Variants in CSE1L observed in about 807,000 individuals in gnomAD.
CSE1L encodes exportin-2.
A neutral mutation model predicts 120.4 loss-of-function variants in CSE1L; 24 were observed. The observed-to-expected ratio is 0.20, with a 90% CI of 0.14 to 0.28. The LOEUF is 0.28. CSE1L is among the 10% of genes least tolerant of loss of function. CSE1L has a pLI of 1.00. For synonymous variants in CSE1L, 402 were observed against 398.3 expected (o/e 1.01, Z -0.11); for missense variants, 830 against 1,145.2 (o/e 0.72, Z 3.97).
intron 2 of CSE1L, among the ~76,000 whole-genome samples, chr20:49,059,172 G>A (rs960999276): frequency 1.3e-5 from 2 of 151,842 alleles, no homozygotes; most frequent in African/African-American, 4.8e-5. Flanking sequence ...AATAATTAGG[G>A]CATAGAAAGG....
Position 49,072,639 on chromosome 20 carries a change from C to A in CSE1L, c.1008C>A (p.Asp336Glu). ...CTCATTATAAGAATCTATTTGAGGA[C>A]CAGAACACGCTGACAAGTATCTGTG... ...ERPHYKNLFEDQNTLTSICEK... is the reference protein window; with the variant it reads ...ERPHYKNLFEEQNTLTSICEK... Residue 336 changes from aspartate to glutamate, a missense_variant, in exon 10 of 25, where the codon GAC (aspartate) becomes GAA (glutamate). Physicochemically the swap from Asp to Glu is conservative, Grantham distance 45. Coordinates refer to ENST00000262982, the MANE Select transcript of CSE1L (RefSeq NM_001316.4). 1.2e-6 allele frequency: 2 copies of A among 1,613,742 alleles called. No homozygotes were observed. The highest frequency in any genetic ancestry group is 4.5e-5 in the East Asian group (2 of 44,860).
chr20:49,075,327 C>G lies in CSE1L; in HGVS notation c.1142C>G (p.Thr381Ser). Residue 381 changes from threonine (T) to serine (S), a missense_variant, in exon 12 of 25, where the codon ACT becomes AGT. This residue lies in a region of CSE1L where 543 missense variants were observed against 640.2 expected (regional missense o/e 0.85). Transcript: ENST00000262982. ...TCTTTTCATTTCATAGATATTGATA[C>G]TAGACGCAGGGCTGCTTGTGATCTG... is the stretch of plus-strand genomic sequence containing the variant. ...RRDLEGSDID[T>S]RRRAACDLVR... 1.9e-6 allele frequency: 3 copies of G among 1,612,686 alleles called. No homozygotes were observed. Among genetic ancestry groups the G allele is most frequent in the Non-Finnish European group, 1.7e-6 (2 of 1,179,270 alleles).
rs776605063 is a variant in CSE1L at position 49,089,675 on chromosome 20, C to G, written c.2110C>G (p.Leu704Val). The change falls in exon 19 of 25, where the codon CTA (leucine) becomes GTA (valine). Residue 704 changes from leucine (L) to valine (V), a missense_variant. Physicochemically the swap from Leu to Val is conservative, Grantham distance 32. This residue lies in a region of CSE1L where 168 missense variants were observed against 267.9 expected (regional missense o/e 0.63). Transcript: ENST00000262982. The part of the protein sequence containing the change: ...LWERTGNIPA[L>V]VRLLQAFLER... ...GGAAAGAACAGGAAATATTCCTGCTCTAGTGAGGCTTCTTCAAGCATTCTT... is the reference window on the plus strand; with the variant it reads ...GGAAAGAACAGGAAATATTCCTGCTGTAGTGAGGCTTCTTCAAGCATTCTT... 73 of 1,614,092 alleles carry G rather than the reference C, an allele frequency of 4.5e-5. No homozygotes were observed. The South Asian group carries it at 7.7e-4, about 17-fold the overall frequency.
chr20:49,052,383 A>G (rs2091773509), intron 1 of CSE1L, among the ~76,000 whole-genome samples: 2 of 152,216 alleles, frequency 1.3e-5, no homozygotes, highest in Admixed American at 6.5e-5. Flanking sequence ...AACAAGGATG[A>G]TGTAGATGGT....
intron 2 of CSE1L, among the ~76,000 whole-genome samples, chr20:49,062,822 A>G (rs2091862405): frequency 6.6e-6 from 1 of 151,902 alleles, no homozygotes; most frequent in Non-Finnish European, 1.5e-5. Flanking sequence ...ACTAGCCTAT[A>G]AAAGAAATAT....
chr20:49,078,878 A>G (rs952509628), intron 14 of CSE1L, among the ~76,000 whole-genome samples: 1 of 152,186 alleles, frequency 6.6e-6, no homozygotes, highest in Admixed American at 6.5e-5. Context: ...TTAATTTACA[A>G]TAGAGAGGTC....
chr20:49,074,639 G>T, intron 10 of CSE1L, 146 bp from the exon 11 acceptor site: 2 of 526,688 alleles, frequency 3.8e-6, no homozygotes, highest in Non-Finnish European at 6.7e-6. Flanking sequence ...TCTAGATAAT[G>T]ATTAAGAGTA....
rs762503264 is a variant in CSE1L at position 49,072,438 on chromosome 20, G to A, written c.921G>A (p.Glu307=). Residue 307 remains glutamate (E), a synonymous_variant, in exon 9 of 25, where the codon GAG becomes GAA. Coordinates refer to ENST00000262982, the MANE Select transcript of CSE1L (RefSeq NM_001316.4). ...ATTTACTAGTTACAACGGGTCAAGAGGTTAAATATGATTTGGTAAGATGAT... is the reference window on the plus strand; with the variant it reads ...ATTTACTAGTTACAACGGGTCAAGAAGTTAAATATGATTTGGTAAGATGAT... The part of the protein sequence containing the change: ...IWNLLVTTGQ[E]VKYDLLVSNA... The A allele has an allele frequency of 3.7e-6, 6 of 1,614,046 alleles. No homozygotes were observed. In the South Asian group the frequency reaches 5.5e-5, roughly 15 times the overall value.
intron 8 of CSE1L, 27 bp downstream of exon 8, chr20:49,070,324 G>A: frequency 9.2e-7 from 1 of 1,083,502 alleles, no homozygotes; most frequent in South Asian, 1.4e-5. Flanking sequence ...TTGCCTGAGT[G>A]GTCTTTTTCT....
Position 49,082,783 on chromosome 20 carries a change from A to T in CSE1L, c.1483-1243A>T, listed in dbSNP as rs553707446. On this transcript the variant is annotated intron_variant, in intron 14 of 24. Transcript: ENST00000262982. ...TGATCCGCCCGCCTTGGCCTCCCAA[A>T]GTGCTGGGATTACAGGCATGAGCCA... Among the ~76,000 whole-genome samples, 451 of 152,202 alleles carry T rather than the reference A, an allele frequency of 3.0e-3. 5 individuals carry two copies. The highest frequency in any genetic ancestry group is 2.8e-3 in the Non-Finnish European group (189 of 67,994).
intron 1 of CSE1L, among the ~76,000 whole-genome samples, chr20:49,056,805 T>C (rs1047213371): frequency 1.3e-5 from 2 of 152,024 alleles, no homozygotes; most frequent in African/African-American, 4.8e-5. Context: ...GTATACATTG[T>C]ATAATGGCTA....
intron 2 of CSE1L, among the ~76,000 whole-genome samples, chr20:49,059,924 C>A (rs2091838851): frequency 6.6e-6 from 1 of 151,726 alleles, no homozygotes; most frequent in South Asian, 2.1e-4. Flanking sequence ...GGTGGTCACG[C>A]CTTTAATCCC....
chr20:49,061,875 A>C (rs2091856120), intron 2 of CSE1L, among the ~76,000 whole-genome samples: 1 of 152,120 alleles, frequency 6.6e-6, no homozygotes, highest in Non-Finnish European at 1.5e-5. Flanking sequence ...GTATAAAAAT[A>C]ATCTGGTATT....
chr20:49,047,570 T>C (rs866051834), intron 1 of CSE1L, among the ~76,000 whole-genome samples: 45 of 48,794 alleles, frequency 9.2e-4, no homozygotes, highest in Admixed American at 1.3e-3. Flanking sequence ...TTTTCTTTTT[T>C]TTTTTTTTTT....
rs1030307023 is a variant in CSE1L at position 49,090,742 on chromosome 20, C to T, written c.2182C>T (p.Pro728Ser). The T allele has an allele frequency of 6.2e-7, 1 of 1,612,710 alleles. No individual in the cohort carries two copies. The highest frequency in any genetic ancestry group is 1.1e-5 in the South Asian group (1 of 90,994). ...TCTGTTGGATCTCATTTCTTAACAG[C>T]CTGGGTTACTAGGTGTCTTTCAGAA... The part of the protein sequence containing the change: ...TIASAAADKI[P>S]GLLGVFQKLI... The change falls in exon 20 of 25, where the codon CCT (proline) becomes TCT (serine). Residue 728 changes from proline (P) to serine (S), a missense_variant and splice_region_variant. Physicochemically the swap from Pro to Ser is moderately conservative, Grantham distance 74 (BLOSUM62 -1). Coordinates refer to ENST00000262982, the MANE Select transcript of CSE1L (RefSeq NM_001316.4).
In CSE1L at chr20:49,068,715, G is replaced by T; in HGVS notation, c.568G>T (p.Ala190Ser). The change falls in exon 7 of 25, where the codon GCC (alanine) becomes TCC (serine). Residue 190 changes from alanine to serine, a missense_variant and splice_region_variant. Ala to Ser is a moderately conservative substitution (Grantham distance 99). Coordinates refer to ENST00000262982, the MANE Select transcript of CSE1L (RefSeq NM_001316.4). ...CCATGTTGCTAAATTCCTTTCCAAG[G>T]CCACTATTGAACTCTGCAGTACCCA... ...FALPLTNLFK[A>S]TIELCSTHAN... is the part of the protein sequence containing the mutation. 1.2e-6 allele frequency: 2 copies of T among 1,609,196 alleles called. No homozygotes were observed. The highest frequency in any genetic ancestry group is 1.7e-6 in the Non-Finnish European group (2 of 1,175,900).
At chr20:49,065,801 C>A (rs2063968) in intron 3 of CSE1L, among the ~76,000 whole-genome samples, 1 of 151,996 alleles carries the variant, frequency 6.6e-6, no homozygotes, top group African/African-American at 2.4e-5. Flanking sequence ...ACCATGTTGG[C>A]CAGGCTGGTC....
chr20:49,082,550 G>T (rs1442147834), intron 14 of CSE1L, among the ~76,000 whole-genome samples: 1 of 151,932 alleles, frequency 6.6e-6, no homozygotes, highest in Non-Finnish European at 1.5e-5. Context: ...CTGTCGCTCA[G>T]TGCAGTAACA....
intron 2 of CSE1L, among the ~76,000 whole-genome samples, chr20:49,062,012 A>C (rs1343643979): frequency 2.0e-5 from 3 of 152,144 alleles, no homozygotes; most frequent in Admixed American, 6.6e-5. Flanking sequence ...GATAAGTTGA[A>C]AGAAATGAAC....
Sources: gnomAD v4.1 joint callset for allele counts (sites outside exome capture counted in the v4.1 genomes callset) on GRCh38, gnomAD v4.1.1 for gene constraint, gnomAD v4.1.1 regional missense constraint, MANE v1.5 for transcripts, NCBI Gene and HGNC (gene_info 2026-07-23, HGNC 2026-07-21) for gene names.